ZNF254: variants seen among roughly 807,000 people sequenced by gnomAD.
ZNF254 encodes the protein zinc finger protein 254, also known as CTD-2017D11.1.
A neutral mutation model predicts 12.4 loss-of-function variants in ZNF254; 10 were observed. That is an observed-to-expected ratio of 0.80 (90% CI 0.50 to 1.36). ZNF254 has a LOEUF of 1.36. ZNF254 is among the 40% of genes most tolerant of loss of function. The pLI, the probability that ZNF254 is intolerant of heterozygous loss-of-function variation, is 0.00. For synonymous variants in ZNF254, 305 were observed against 253.4 expected, an observed-to-expected ratio of 1.20 and a Z score of -1.93; for missense variants, 996 against 763.9, an observed-to-expected ratio of 1.30 and a Z score of -3.58.
upstream of ZNF254, among the ~76,000 whole-genome samples, chr19:24,085,324 A>G (rs557140233): frequency 7.4e-5 from 11 of 149,486 alleles, no homozygotes; most frequent in Admixed American, 2.0e-4. Flanking sequence ...ATTAAAAAAC[A>G]TAAAATTTTT....
intron 1 of ZNF254, among the ~76,000 whole-genome samples, chr19:24,041,532 G>C (rs1483194310): frequency 6.6e-6 from 1 of 152,254 alleles, no homozygotes. Context: ...TTTCTCGCCG[G>C]GCCTTAGCTG....
intron 1 of ZNF254, among the ~76,000 whole-genome samples, chr19:24,035,380 C>T (rs1455559543): frequency 2.0e-5 from 3 of 152,132 alleles, no homozygotes. Context: ...CCAGGCTGGT[C>T]CAAAACTCCT....
intron 2 of ZNF254, among the ~76,000 whole-genome samples, chr19:24,067,349 A>G (rs1389616049): frequency 1.3e-5 from 2 of 151,392 alleles, no homozygotes; most frequent in Non-Finnish European, 2.9e-5. Context: ...GTTCCTGCCG[A>G]AATGGTCATT....
chr19:24,076,379 C>T (rs530903575), intron 2 of ZNF254, among the ~76,000 whole-genome samples: 2 of 152,318 alleles, frequency 1.3e-5, no homozygotes, highest in African/African-American at 4.8e-5. Flanking sequence ...TCCCTGACTT[C>T]CTGCAACATA....
At chr19:24,107,279 A>T (rs1213199173) in intron 3 of ZNF254, 1 of 623,810 alleles carries the variant, frequency 1.6e-6, no homozygotes. Flanking sequence ...CTTTAAATCT[A>T]CAGGTCACTT....
At chr19:24,123,627 T>TACAC (rs576576277) in intron 3 of ZNF254, among the ~76,000 whole-genome samples, 2 of 151,478 alleles carry the variant, frequency 1.3e-5, no homozygotes, top group Admixed American at 6.6e-5. Flanking sequence ...CACAAACACA[T>TACAC]ACACACACAC....
Position 24,128,256 on chromosome 19 carries a change from G to A in ZNF254, c.*276G>A. 1 of 342,564 alleles carries A rather than the reference G, an allele frequency of 2.9e-6. No individual in the cohort carries two copies. The highest frequency in any genetic ancestry group is 1.1e-4 in the South Asian group (1 of 9,128). The allele number at this position is 342,564 out of a possible 1,614,324, so 21.2% of individuals were successfully genotyped here. On this transcript the variant is annotated 3_prime_UTR_variant, in exon 4 of 4. Coordinates refer to ENST00000357002, the MANE Select transcript of ZNF254 (RefSeq NM_203282.4). ...GCTTCGACAATGCTCACACCCTATTGCACAGGAAAGCATTTATACTTGAGA... is the reference window on the plus strand; with the variant it reads ...GCTTCGACAATGCTCACACCCTATTACACAGGAAAGCATTTATACTTGAGA...
chr19:24,041,174 T>G (rs1970138213), intron 1 of ZNF254, among the ~76,000 whole-genome samples: 1 of 152,258 alleles, frequency 6.6e-6, no homozygotes, highest in Admixed American at 6.5e-5. Flanking sequence ...AGCCCTCGCT[T>G]GCTCTCGGCA....
At chr19:24,055,204 C>A (rs866587352) in intron 2 of ZNF254, among the ~76,000 whole-genome samples, 1 of 5,922 alleles carries the variant, frequency 1.7e-4, no homozygotes, top group Non-Finnish European at 6.1e-4. Context: ...CTCTGTCTCA[C>A]CAAAAAAAAA....
rs1354575531 is a variant in ZNF254, at chr19:24,126,313, C to T, written c.313C>T (p.Gln105Ter). The change falls in exon 4 of 4, where the codon CAA becomes TAA. Residue 105 changes from glutamine (Q) to a stop codon, truncating the protein, a stop_gained. Coordinates refer to ENST00000357002, the MANE Select transcript of ZNF254 (RefSeq NM_203282.4). LOFTEE classifies it low-confidence loss of function (END_TRUNC). Reference protein sequence around the residue: ...WPEQGMEDSFQKAILRRYGKY... With the variant: ...WPEQGMEDSF Reference sequence around the variant, plus strand: ...AGAGCAGGGCATGGAAGATTCTTTTCAAAAAGCAATACTGAGAAGATATGG... The same window carrying T: ...AGAGCAGGGCATGGAAGATTCTTTTTAAAAAGCAATACTGAGAAGATATGG... 1.5e-5 allele frequency: 24 copies of T among 1,586,344 alleles called. No homozygotes were observed. The highest frequency in any genetic ancestry group is 2.1e-5 in the Non-Finnish European group (24 of 1,168,654).
chr19:24,067,171 A>G (rs1971305733), intron 2 of ZNF254, among the ~76,000 whole-genome samples: 1 of 151,730 alleles, frequency 6.6e-6, no homozygotes, highest in African/African-American at 2.4e-5. Flanking sequence ...CTACACCTAG[A>G]TGATGTGAGT....
intron 1 of ZNF254, among the ~76,000 whole-genome samples, chr19:24,099,226 C>T (rs1016141547): frequency 6.7e-6 from 1 of 148,916 alleles, no homozygotes. Flanking sequence ...AGGCTGGTCT[C>T]GAACTCCTGA....
chr19:24,055,243 A>G (rs1970803534), intron 2 of ZNF254, among the ~76,000 whole-genome samples: 1 of 134,648 alleles, frequency 7.4e-6, no homozygotes, highest in South Asian at 2.3e-4. Flanking sequence ...GAGTGTACTA[A>G]CAAGACCCAG....
intron 3 of ZNF254, among the ~76,000 whole-genome samples, chr19:24,120,217 A>G (rs1974384454): frequency 1.3e-5 from 2 of 152,144 alleles, no homozygotes; most frequent in South Asian, 2.1e-4. Context: ...TGAGAACAGC[A>G]CAGAAAACAT....
intron 1 of ZNF254, chr19:24,033,662 G>T: frequency 3.0e-6 from 1 of 336,846 alleles, no homozygotes; most frequent in Non-Finnish European, 5.8e-6. Flanking sequence ...GAGAGAGCGG[G>T]CTGTGAAACC....
intron 2 of ZNF254, among the ~76,000 whole-genome samples, chr19:24,069,021 C>T (rs1001821072): frequency 1.3e-5 from 2 of 151,912 alleles, no homozygotes; most frequent in African/African-American, 4.8e-5. Flanking sequence ...TCTTTTCTTT[C>T]TTGGAGATGG....
chr19:24,081,842 G>A (rs1343690105), intron 2 of ZNF254, among the ~76,000 whole-genome samples: 2 of 152,190 alleles, frequency 1.3e-5, no homozygotes, highest in Non-Finnish European at 2.9e-5. Context: ...AAATAATTCC[G>A]ATGGGTACAG....
chr19:24,056,732 T>C (rs1292666331), intron 2 of ZNF254, among the ~76,000 whole-genome samples: 1 of 152,194 alleles, frequency 6.6e-6, no homozygotes. Flanking sequence ...CTGCCTGAGC[T>C]TTGCTCATAG....
chr19:24,075,950 G>A (rs955770563), intron 2 of ZNF254, among the ~76,000 whole-genome samples: 11 of 152,238 alleles, frequency 7.2e-5, no homozygotes, highest in African/African-American at 2.7e-4. Flanking sequence ...TTTGCAAAAA[G>A]AGAAGTATGA....
Sources: allele counts gnomAD v4.1 joint callset (sites outside exome capture counted in the v4.1 genomes callset), GRCh38; gene constraint gnomAD v4.1.1; transcripts MANE v1.5; gene names NCBI Gene and HGNC (gene_info 2026-07-23, HGNC 2026-07-21).